Variants in ACSS3 observed in about 807,000 individuals in gnomAD.
The protein encoded by ACSS3 is acyl-CoA synthetase short chain family member 3, also known as acyl-CoA synthetase short-chain family member 3, mitochondrial.
Under a neutral mutation model 84.2 loss-of-function variants are expected in ACSS3, and 64 were observed. The ratio of observed to expected loss-of-function variants is 0.76; its 90% CI spans 0.62 to 0.94. The LOEUF is 0.94. Among genes scored for constraint, ACSS3 ranks in the 40% least tolerant of loss-of-function variants. The pLI is 0.00. For missense variants in ACSS3, 815 were observed against 867.6 expected (o/e 0.94, Z 0.76); for synonymous variants, 317 against 310.1 (o/e 1.02, Z -0.23).
At chr12:81,200,475 A>T (rs1189610343) in intron 9 of ACSS3, among the ~76,000 whole-genome samples, 38 of 152,316 alleles carry the variant, frequency 2.5e-4, no homozygotes, top group Admixed American at 2.5e-3. Flanking sequence ...TGTAAAAATG[A>T]TTTTCATGTA....
At chr12:81,190,894 G>T (rs908567457) in intron 8 of ACSS3, among the ~76,000 whole-genome samples, 4 of 151,920 alleles carry the variant, frequency 2.6e-5, no homozygotes, top group Non-Finnish European at 5.9e-5. Flanking sequence ...GAATTATAGT[G>T]ACTGATTTTT....
intron 5 of ACSS3, among the ~76,000 whole-genome samples, chr12:81,146,131 G>A (rs1236602135): frequency 6.6e-6 from 1 of 151,994 alleles, no homozygotes; most frequent in East Asian, 1.9e-4. Context: ...AACAATGAAT[G>A]TTCTCTGAGG....
At chr12:81,224,574 A>ACG (rs1491248111) in intron 11 of ACSS3, among the ~76,000 whole-genome samples, 29 of 71,936 alleles carry the variant, frequency 4.0e-4, no homozygotes, top group African/African-American at 1.5e-3. Flanking sequence ...ACACACACAC[A>ACG]TGTGTGTGTG....
chr12:81,213,863 C>CTCTTCT (rs1439600895), intron 9 of ACSS3, among the ~76,000 whole-genome samples: 2 of 98,302 alleles, frequency 2.0e-5, no homozygotes, highest in African/African-American at 6.8e-5. Flanking sequence ...CTCTTCTCTT[C>CTCTTCT]CTTTCTTTCT....
intron 10 of ACSS3, among the ~76,000 whole-genome samples, chr12:81,217,645 C>T (rs192214925): frequency 1.3e-5 from 2 of 152,156 alleles, no homozygotes; most frequent in East Asian, 3.9e-4. Context: ...GAGTTTGAGA[C>T]CAGCCTGGCC....
At chr12:81,166,681 C>A (rs758923739) in intron 7 of ACSS3, among the ~76,000 whole-genome samples, 2 of 152,144 alleles carry the variant, frequency 1.3e-5, no homozygotes, top group African/African-American at 2.4e-5. Flanking sequence ...TATCATTAGC[C>A]CCTTTTATGA....
intron 3 of ACSS3, among the ~76,000 whole-genome samples, chr12:81,136,127 C>T (rs2121560376): frequency 6.6e-6 from 1 of 152,054 alleles, no homozygotes; most frequent in South Asian, 2.1e-4. Flanking sequence ...GAATGGGGTA[C>T]AAAAATAACA....
At position 81,224,571 on chromosome 12, in the gene ACSS3, CACATGT is replaced by C. The variant is rs1425883942; in HGVS notation, c.1514+4496_1514+4501del. On this transcript the variant is annotated intron_variant, in intron 11 of 15. Coordinates refer to ENST00000548058, the MANE Select transcript of ACSS3 (RefSeq NM_024560.4). ...ACATACATATATATATACACACACA[CACATGT>C]GTGTGTGTGTGTGTGTGTGTGTGTA... 5.4e-4 allele frequency among the ~76,000 whole-genome samples: 50 copies of C among 92,244 alleles called. 2 individuals are homozygous for C. Among genetic ancestry groups the C allele is most frequent in the East Asian group, 1.2e-3 (5 of 4,138 alleles). The allele number at this position is 92,244 out of a possible 152,430, so 60.5% of individuals were successfully genotyped here. A position where few individuals can be genotyped will look rare whatever the true frequency, so the allele number is the denominator to read the frequency against.
chr12:81,245,549 A>T (rs2033956680), intron 13 of ACSS3, among the ~76,000 whole-genome samples: 1 of 152,174 alleles, frequency 6.6e-6, no homozygotes, highest in Non-Finnish European at 1.5e-5. Context: ...GCTCTGAGAA[A>T]ACTCCAGCAG....
intron 13 of ACSS3, among the ~76,000 whole-genome samples, chr12:81,251,920 GA>G (rs2034167763): frequency 6.6e-6 from 1 of 152,068 alleles, no homozygotes; most frequent in African/African-American, 2.4e-5. Flanking sequence ...CTCAACTACT[GA>G]AAATGATTTA....
intron 8 of ACSS3, among the ~76,000 whole-genome samples, chr12:81,194,633 C>G (rs2031740267): frequency 6.6e-6 from 1 of 151,794 alleles, no homozygotes; most frequent in Admixed American, 6.6e-5. Context: ...TTTATTAGTG[C>G]CAGCATGACG....
At chr12:81,083,990 G>A (rs1038674193) in intron 1 of ACSS3, among the ~76,000 whole-genome samples, 3 of 151,962 alleles carry the variant, frequency 2.0e-5, no homozygotes, top group African/African-American at 4.8e-5. Context: ...ACAAAAACCC[G>A]GAATGTCTGT....
Position 81,078,216 on chromosome 12 carries a change from G to C in ACSS3, c.96G>C (p.Ala32=), listed in dbSNP as rs773283957. Residue 32 remains alanine, a synonymous_variant, in exon 1 of 16, where the codon GCG becomes GCC. Transcript: ENST00000548058. ...CCTCTCCGGCCCGGGGAGCCGGTGCGGCCCTCAGGGCTTTAGTGGTCCCGG... is the reference window on the plus strand; with the variant it reads ...CCTCTCCGGCCCGGGGAGCCGGTGCCGCCCTCAGGGCTTTAGTGGTCCCGG... ...PGSSPARGAG[A]ALRALVVPGP... 3.0e-5 allele frequency: 47 copies of C among 1,582,282 alleles called. No individual in the cohort carries two copies. The highest frequency in any genetic ancestry group is 3.7e-5 in the Non-Finnish European group (43 of 1,167,534).
At chr12:81,247,607 TAA>T (rs2034024141) in intron 13 of ACSS3, among the ~76,000 whole-genome samples, 1 of 152,124 alleles carries the variant, frequency 6.6e-6, no homozygotes, top group Admixed American at 6.5e-5. Context: ...ATTAAATGAC[TAA>T]GTTTTTATTA....
intron 8 of ACSS3, among the ~76,000 whole-genome samples, chr12:81,197,730 A>G (rs1352723991): frequency 6.6e-6 from 1 of 152,168 alleles, no homozygotes; most frequent in Non-Finnish European, 1.5e-5. Context: ...TCTGTCTACA[A>G]TGACACCCTA....
intron 7 of ACSS3, among the ~76,000 whole-genome samples, chr12:81,161,052 A>G (rs1255928449): frequency 1.3e-5 from 2 of 152,242 alleles, no homozygotes; most frequent in African/African-American, 4.8e-5. Context: ...CAAATGTATT[A>G]TTTCCCAGAA....
intron 1 of ACSS3, among the ~76,000 whole-genome samples, chr12:81,080,721 G>T (rs1320001328): frequency 6.6e-6 from 1 of 152,138 alleles, no homozygotes; most frequent in African/African-American, 2.4e-5. Context: ...CCAAACAGAA[G>T]GGCAGACTGA....
rs141940139 is a variant in ACSS3 at position 81,208,726 on chromosome 12, G to A, written c.1355-8175G>A. ...ACAATATTCAAATTTCTTAACATGG[G>A]ATTTTCATCCCGCTGTTTACTTCTT... On this transcript the variant is annotated intron_variant, in intron 9 of 15. Coordinates refer to ENST00000548058, the MANE Select transcript of ACSS3 (RefSeq NM_024560.4). 3.5e-4 allele frequency among the ~76,000 whole-genome samples: 53 copies of A among 151,052 alleles called. No individual in the cohort carries two copies. In the East Asian group the frequency reaches 0.01, roughly 29 times the overall value.
At chr12:81,172,259 C>CAGAAAAAAA (rs2030117486) in intron 7 of ACSS3, among the ~76,000 whole-genome samples, 2 of 56,962 alleles carry the variant, frequency 3.5e-5, no homozygotes, top group Admixed American at 2.6e-4. Context: ...GGCTCTGTCT[C>CAGAAAAAAA]AAAAAAAAAA....
Sources: allele counts gnomAD v4.1 joint callset (sites outside exome capture counted in the v4.1 genomes callset), GRCh38; gene constraint gnomAD v4.1.1; transcripts MANE v1.5; gene names NCBI Gene and HGNC (gene_info 2026-07-23, HGNC 2026-07-21).